RBM39: variants seen among roughly 807,000 people sequenced by gnomAD.
RBM39 encodes RNA binding motif protein 39, also known as RNA-binding protein 39.
RBM39 carries 12 observed loss-of-function variants against 79.6 expected under a neutral mutation model. The ratio of observed to expected loss-of-function variants is 0.15; its 90% CI spans 0.10 to 0.24. The LOEUF (loss-of-function observed/expected upper bound fraction) is 0.24, where lower values mean the gene tolerates loss of function less well. RBM39 is among the 10% of genes least tolerant of loss of function. The pLI, the probability that RBM39 is intolerant of heterozygous loss-of-function variation, is 1.00. For synonymous variants in RBM39, 185 were observed against 208.4 expected (o/e 0.89, Z 0.97); for missense variants, 243 against 653.4 (o/e 0.37, Z 6.85).
At chr20:35,732,268 CA>C in intron 3 of RBM39, 133 bp from the exon 4 acceptor site, 1 of 711,940 alleles carries the variant, frequency 1.4e-6, no homozygotes, top group African/African-American at 2.6e-5. Context: ...TACAATGGTA[CA>C]TAATCATACT....
At chr20:35,726,404 T>C (rs2038700140) in intron 6 of RBM39, among the ~76,000 whole-genome samples, 2 of 152,190 alleles carry the variant, frequency 1.3e-5, no homozygotes, top group Non-Finnish European at 1.5e-5. Context: ...GTACTCGGAT[T>C]GTAGGCGTCA....
intron 10 of RBM39, among the ~76,000 whole-genome samples, chr20:35,715,895 T>C (rs886380700): frequency 4.0e-5 from 6 of 150,742 alleles, no homozygotes; most frequent in Admixed American, 2.6e-4. Context: ...TCTCCCTCTC[T>C]CCAAGTGACA....
chr20:35,742,070 C>T lies in RBM39; in HGVS notation c.-143G>A. On this transcript the variant is annotated 5_prime_UTR_variant, in exon 1 of 17. Coordinates refer to ENST00000253363, the MANE Select transcript of RBM39 (RefSeq NM_184234.3). The stretch of plus-strand genomic sequence containing the variant: ...CCTAGGCCCAGGCCGCGGAACCGCC[C>T]AGCCCGAATATCGGGTTCCAAGGAC... 5.5e-6 allele frequency: 1 copy of T among 181,658 alleles called. No homozygotes were observed. Among genetic ancestry groups the T allele is most frequent in the South Asian group, 7.7e-5 (1 of 12,944 alleles). The allele number at this position is 181,658 out of a possible 1,614,324, so 11.3% of individuals were successfully genotyped here.
intron 3 of RBM39, 118 bp downstream of exon 3, chr20:35,738,850 G>C (rs1421725803): frequency 1.1e-6 from 1 of 887,726 alleles, no homozygotes; most frequent in Non-Finnish European, 1.7e-6. Flanking sequence ...TTTTCTAAAA[G>C]CAGCAAAGAA....
chr20:35,739,994 C>G (rs775767604), intron 2 of RBM39: 2 of 157,234 alleles, frequency 1.3e-5, no homozygotes. Flanking sequence ...AATGAAAAGA[C>G]AGTTTACTTT....
chr20:35,741,542 A>C (rs965512641), intron 1 of RBM39: 2 of 152,276 alleles, frequency 1.3e-5, no homozygotes, highest in Non-Finnish European at 2.9e-5. Flanking sequence ...CTCTGCTGTC[A>C]ACTCCAAAAA....
Position 35,703,001 on chromosome 20 carries a change from T to A in RBM39, c.*1480A>T, listed in dbSNP as rs532797370. On this transcript the variant is annotated 3_prime_UTR_variant, in exon 17 of 17. Coordinates refer to ENST00000253363, the MANE Select transcript of RBM39 (RefSeq NM_184234.3). Reference sequence around the variant, plus strand: ...TAAATGTCAAACAAAACGACTGATATGAAATTCTGAATAAGCCTGTAAAAC... The same window carrying A: ...TAAATGTCAAACAAAACGACTGATAAGAAATTCTGAATAAGCCTGTAAAAC... 6.6e-6 allele frequency: 1 copy of A among 152,136 alleles called. No homozygotes were observed. Among genetic ancestry groups the A allele is most frequent in the East Asian group, 1.9e-4 (1 of 5,186 alleles). 9.4% of individuals were successfully genotyped at this position (152,136 alleles called of 1,614,324 possible).
intron 8 of RBM39, among the ~76,000 whole-genome samples, chr20:35,722,136 G>A (rs981876671): frequency 5.9e-5 from 9 of 152,102 alleles, no homozygotes; most frequent in South Asian, 2.1e-4. Flanking sequence ...GGCTGGGCAC[G>A]ATGGCTCACA....
At chr20:35,713,800 G>A (rs2036772338) in intron 11 of RBM39, 1 of 163,072 alleles carries the variant, frequency 6.1e-6, no homozygotes, top group African/African-American at 2.4e-5. Context: ...AAGAGGCAGA[G>A]GTTGCGGTGA....
Position 35,713,111 on chromosome 20 carries a change from T to C in RBM39, c.1097-15A>G, listed in dbSNP as rs751406165. 5.6e-6 allele frequency: 9 copies of C among 1,608,664 alleles called. No individual in the cohort carries two copies. Among genetic ancestry groups the C allele is most frequent in the South Asian group, 1.1e-5 (1 of 90,598 alleles). On this transcript the variant is annotated splice_polypyrimidine_tract_variant and intron_variant, in intron 11 of 16. Transcript: ENST00000253363. ...CAAACCTGTACCTGTAAAAGAATAG[T>C]CTTAAAGTTCCTACTATGTTGAGAG... is the stretch of plus-strand genomic sequence containing the variant.
chr20:35,712,597 ATT>A (rs1239908536), intron 12 of RBM39, among the ~76,000 whole-genome samples: 2 of 151,978 alleles, frequency 1.3e-5, no homozygotes, highest in Non-Finnish European at 2.9e-5. Flanking sequence ...ATGATCTTAA[ATT>A]TTTATGTACT....
intron 14 of RBM39, 102 bp from the exon 15 acceptor site, chr20:35,705,432 T>C: frequency 1.4e-6 from 1 of 692,416 alleles, no homozygotes; most frequent in African/African-American, 1.9e-5. Flanking sequence ...TTAAAAAAAA[T>C]ACTTTGGAAA....
intron 4 of RBM39, chr20:35,731,709 TGA>T (rs2039386873): frequency 1.8e-6 from 1 of 547,134 alleles, no homozygotes; most frequent in East Asian, 3.0e-5. Flanking sequence ...TTAGAAACTC[TGA>T]TAGTTTAACA....
Position 35,704,271 on chromosome 20 carries a change from A to C in RBM39, c.*210T>G, listed in dbSNP as rs929329144. 2 of 399,182 alleles carry C rather than the reference A, an allele frequency of 5.0e-6. No homozygotes were observed. The highest frequency in any genetic ancestry group is 4.1e-5 in the African/African-American group (2 of 49,000). 24.7% of individuals were successfully genotyped at this position (399,182 alleles called of 1,614,324 possible). A position where few individuals can be genotyped will look rare whatever the true frequency, so the allele number is the denominator to read the frequency against. On this transcript the variant is annotated 3_prime_UTR_variant, in exon 17 of 17. Transcript: ENST00000253363. The stretch of plus-strand genomic sequence containing the variant: ...TGAACATTTTAAAAGGCAGAACAAG[A>C]GAACAGTTTTGTATACAGTGGGATT...
intron 12 of RBM39, 74 bp from the exon 13 acceptor site, chr20:35,709,348 G>A: frequency 7.9e-7 from 1 of 1,260,212 alleles, no homozygotes; most frequent in Non-Finnish European, 1.1e-6. Context: ...AATAAAAGAG[G>A]ACTACAATAG....
At chr20:35,708,346 G>GACTTGATT (rs2035999772) in intron 13 of RBM39, among the ~76,000 whole-genome samples, 1 of 151,900 alleles carries the variant, frequency 6.6e-6, no homozygotes, top group African/African-American at 2.4e-5. Context: ...AACTGAGGAA[G>GACTTGATT]ACTTGATTCT....
intron 8 of RBM39, 48 bp downstream of exon 8, chr20:35,724,522 G>A (rs2038412440): frequency 6.3e-7 from 1 of 1,587,938 alleles, no homozygotes; most frequent in Non-Finnish European, 8.6e-7. Flanking sequence ...GCAACAGGAG[G>A]CTTTCAACAC....
Position 35,703,093 on chromosome 20 carries a change from A to G in RBM39, c.*1388T>C, listed in dbSNP as rs565715552. On this transcript the variant is annotated 3_prime_UTR_variant, in exon 17 of 17. Coordinates refer to ENST00000253363, the MANE Select transcript of RBM39 (RefSeq NM_184234.3). ...GGTAAGGAACTCAGTATTTGAAGAT[A>G]AGCTAGGAGCAGCATTTCCTACTCA... The G allele has an allele frequency of 3.2e-4, 49 of 152,324 alleles. No homozygotes were observed. Among genetic ancestry groups the G allele is most frequent in the African/African-American group, 1.2e-3 (49 of 41,570 alleles). The allele number at this position is 152,324 out of a possible 1,614,324, so 9.4% of individuals were successfully genotyped here. A position where few individuals can be genotyped will look rare whatever the true frequency, so the allele number is the denominator to read the frequency against.
At position 35,705,976 on chromosome 20, in the gene RBM39, C is replaced by A. The variant is rs186851270; in HGVS notation, c.1308-646G>T. Among the ~76,000 whole-genome samples the A allele has an allele frequency of 1.8e-3, 267 of 152,234 alleles. 2 individuals carry two copies. The highest frequency in any genetic ancestry group is 2.8e-3 in the Non-Finnish European group (190 of 67,996). Reference sequence around the variant, plus strand: ...CAGCACTTTGGGAAGCTGAGGCGGGCACATCACTTGAGGTCAGGAGTTCAA... The same window carrying A: ...CAGCACTTTGGGAAGCTGAGGCGGGAACATCACTTGAGGTCAGGAGTTCAA... On this transcript the variant is annotated intron_variant, in intron 14 of 16. Coordinates refer to ENST00000253363, the MANE Select transcript of RBM39 (RefSeq NM_184234.3).
Sources: allele counts gnomAD v4.1 joint callset (sites outside exome capture counted in the v4.1 genomes callset), GRCh38; gene constraint gnomAD v4.1.1; transcripts MANE v1.5; gene names NCBI Gene and HGNC (gene_info 2026-07-23, HGNC 2026-07-21).